Variants in PIK3C2G observed in about 807,000 individuals in gnomAD.
PIK3C2G encodes the protein phosphatidylinositol 3-kinase C2 domain-containing subunit gamma.
Under a neutral mutation model 181.1 loss-of-function variants are expected in PIK3C2G, and 168 were observed. The ratio of observed to expected loss-of-function variants is 0.93; its 90% CI spans 0.82 to 1.05. The LOEUF is 1.05. PIK3C2G is among the 50% of genes least tolerant of loss of function. The probability of loss-of-function intolerance (pLI) is 0.00; values close to 1 mark genes in which losing one functional copy is unlikely to be tolerated. For synonymous variants in PIK3C2G, 573 were observed against 592.2 expected, an observed-to-expected ratio of 0.97 and a Z score of 0.47; for missense variants, 1,869 against 1,732.8, an observed-to-expected ratio of 1.08 and a Z score of -1.40.
At chr12:18,661,440 C>T in the PIK3C2G span, among the ~76,000 whole-genome samples, 6 of 152,010 alleles carry the variant, frequency 3.9e-5, no homozygotes, top group East Asian at 1.9e-4. Flanking sequence ...AAGGCCTTTT[C>T]GTAGGATTAT....
chr12:18,371,852 A>C (rs1942086760), intron 13 of PIK3C2G, among the ~76,000 whole-genome samples: 1 of 152,170 alleles, frequency 6.6e-6, no homozygotes, highest in Non-Finnish European at 1.5e-5. Flanking sequence ...GGAAAATATT[A>C]ATATTCAGAA....
At chr12:18,439,682 C>T (rs978361874) in intron 18 of PIK3C2G, among the ~76,000 whole-genome samples, 1 of 152,044 alleles carries the variant, frequency 6.6e-6, no homozygotes, top group Non-Finnish European at 1.5e-5. Flanking sequence ...CTCCACTAAA[C>T]CTTTAACTCA....
chr12:18,682,816 A>G, the PIK3C2G span, among the ~76,000 whole-genome samples: 4 of 152,048 alleles, frequency 2.6e-5, no homozygotes, highest in African/African-American at 9.7e-5. Context: ...GGGCCTGGCA[A>G]TCTAATTCCT....
intron 8 of PIK3C2G, among the ~76,000 whole-genome samples, chr12:18,337,819 C>G (rs1219566043): frequency 6.6e-6 from 1 of 152,134 alleles, no homozygotes; most frequent in Non-Finnish European, 1.5e-5. Flanking sequence ...CAAACTATAT[C>G]AGTAGATTAT....
chr12:18,434,334 A>G (rs1324152062), intron 18 of PIK3C2G, among the ~76,000 whole-genome samples: 2 of 152,146 alleles, frequency 1.3e-5, no homozygotes, highest in African/African-American at 4.8e-5. Flanking sequence ...CAGCTCATGA[A>G]TTTTTAAAGG....
At chr12:18,500,476 C>T (rs1011848276) in intron 22 of PIK3C2G, among the ~76,000 whole-genome samples, 1 of 152,188 alleles carries the variant, frequency 6.6e-6, no homozygotes, top group Non-Finnish European at 1.5e-5. Flanking sequence ...CGAGCGCGGC[C>T]CCCTGCTCCA....
intron 11 of PIK3C2G, among the ~76,000 whole-genome samples, chr12:18,354,764 G>A (rs893154554): frequency 1.3e-5 from 2 of 152,218 alleles, no homozygotes; most frequent in African/African-American, 4.8e-5. Flanking sequence ...ATAAACTGGT[G>A]ATGGTGGAGA....
intron 31 of PIK3C2G, 53 bp from the exon 32 acceptor site, chr12:18,640,376 T>G: frequency 1.3e-6 from 2 of 1,526,222 alleles, no homozygotes; most frequent in Non-Finnish European, 1.8e-6. Context: ...GCTCTGTATT[T>G]GTTTTCTTTG....
At chr12:18,559,766 T>C (rs1174232400) in intron 26 of PIK3C2G, among the ~76,000 whole-genome samples, 1 of 113,466 alleles carries the variant, frequency 8.8e-6, no homozygotes, top group African/African-American at 3.3e-5. Flanking sequence ...TCAGAATGTA[T>C]TGTATGAAAT....
chr12:18,464,265 G>A (rs932468162), intron 18 of PIK3C2G, among the ~76,000 whole-genome samples: 3 of 151,986 alleles, frequency 2.0e-5, no homozygotes, highest in African/African-American at 2.4e-5. Context: ...GTGTCCTCAC[G>A]TGGTGGAAAG....
intron 1 of PIK3C2G, among the ~76,000 whole-genome samples, chr12:18,276,383 A>G (rs1473942185): frequency 1.3e-5 from 2 of 152,190 alleles, no homozygotes; most frequent in Non-Finnish European, 2.9e-5. Flanking sequence ...TGAATGAATT[A>G]CTGATTCAAC....
intron 18 of PIK3C2G, among the ~76,000 whole-genome samples, chr12:18,471,715 C>T (rs1938477719): frequency 6.6e-6 from 1 of 151,948 alleles, no homozygotes; most frequent in Non-Finnish European, 1.5e-5. Flanking sequence ...ATTTTCTGTA[C>T]CAAAAAAATT....
intron 18 of PIK3C2G, among the ~76,000 whole-genome samples, chr12:18,426,317 T>C (rs1037299811): frequency 3.3e-5 from 5 of 152,286 alleles, no homozygotes; most frequent in South Asian, 4.1e-4. Context: ...TCCTGAAACA[T>C]TGATTTTTTT....
intron 18 of PIK3C2G, among the ~76,000 whole-genome samples, chr12:18,431,323 A>G (rs1946147862): frequency 6.6e-6 from 1 of 152,232 alleles, no homozygotes; most frequent in Non-Finnish European, 1.5e-5. Context: ...CTTGCCTTAA[A>G]GAAGCTCAGG....
In PIK3C2G at chr12:18,563,437, G is replaced by A. The variant is rs773501044; in HGVS notation, c.3841G>A (p.Glu1281Lys). The change falls in exon 28 of 33, where the codon GAG (glutamate) becomes AAG (lysine). Residue 1281 changes from glutamate to lysine, a missense_variant. Glu to Lys is a moderately conservative substitution (Grantham distance 56, BLOSUM62 1). Coordinates refer to ENST00000538779, the MANE Select transcript of PIK3C2G (RefSeq NM_001288772.2). Reference protein sequence around the residue: ...NETSLTEKSFEQFSKLHSQLQ... With the variant: ...NETSLTEKSFKQFSKLHSQLQ... ...AACAAGCCTGACAGAAAAATCATTTGAGCAGTTTTCAAAACTTCACAGCCA... is the reference window on the plus strand; with the variant it reads ...AACAAGCCTGACAGAAAAATCATTTAAGCAGTTTTCAAAACTTCACAGCCA... 2 of 1,613,660 alleles carry A rather than the reference G, an allele frequency of 1.2e-6. No individual in the cohort carries two copies. Among genetic ancestry groups the A allele is most frequent in the East Asian group, 2.2e-5 (1 of 44,846 alleles).
At chr12:18,660,171 C>A in the PIK3C2G span, among the ~76,000 whole-genome samples, 1 of 152,100 alleles carries the variant, frequency 6.6e-6, no homozygotes, top group Non-Finnish European at 1.5e-5. Flanking sequence ...AATTTCAGTA[C>A]ATTTAGGTCA....
At chr12:18,529,994 A>G (rs1943459301) in intron 24 of PIK3C2G, among the ~76,000 whole-genome samples, 1 of 152,138 alleles carries the variant, frequency 6.6e-6, no homozygotes, top group Admixed American at 6.6e-5. Flanking sequence ...ACCACATGCC[A>G]GAGCAAACAT....
At chr12:18,499,287 T>A (rs1296211575) in intron 22 of PIK3C2G, among the ~76,000 whole-genome samples, 1 of 152,214 alleles carries the variant, frequency 6.6e-6, no homozygotes, top group Non-Finnish European at 1.5e-5. Flanking sequence ...ATAGAGATCA[T>A]TAAAACAAAT....
In PIK3C2G at chr12:18,505,448, G is replaced by A; in HGVS notation, c.3310G>A (p.Gly1104Arg). ...ATTCTTAGGTCATGCACAAACATTT[G>A]GAGGGATAAAAAGGTCAGTGCACAA... ...GKFLGHAQTF[G>R]GIKRDRAPFI... The change falls in exon 24 of 33, where the codon GGA (glycine) becomes AGA (arginine). Residue 1104 changes from glycine to arginine, a missense_variant. Transcript: ENST00000538779. The A allele has an allele frequency of 6.2e-7, 1 of 1,612,398 alleles. No homozygotes were observed. The highest frequency in any genetic ancestry group is 2.2e-5 in the East Asian group (1 of 44,840).
Sources: allele counts gnomAD v4.1 joint callset (sites outside exome capture counted in the v4.1 genomes callset), GRCh38; gene constraint gnomAD v4.1.1; transcripts MANE v1.5; gene names NCBI Gene and HGNC (gene_info 2026-07-23, HGNC 2026-07-21).